The following ANO2 variants were observed in gnomAD, a reference collection of about 807,000 sequenced individuals.
The protein encoded by ANO2 is anoctamin-2.
Under a neutral mutation model 124.2 loss-of-function variants are expected in ANO2, and 101 were observed. The observed-to-expected ratio is 0.81, with a 90% CI of 0.69 to 0.96. ANO2 has a LOEUF of 0.96. Ranked by LOEUF, ANO2 falls within the 40% of genes least tolerant of loss-of-function variation. The pLI is 0.00. For missense variants in ANO2, 1,293 were observed against 1,274.5 expected (o/e 1.01, Z -0.22); for synonymous variants, 486 against 482.5 (o/e 1.01, Z -0.09).
At chr12:5,680,834 G>A (rs1270844959) in intron 14 of ANO2, among the ~76,000 whole-genome samples, 2 of 152,156 alleles carry the variant, frequency 1.3e-5, no homozygotes, top group East Asian at 3.8e-4. Context: ...GGCACCTGCT[G>A]GAATTCTGGT....
intron 4 of ANO2, among the ~76,000 whole-genome samples, chr12:5,844,334 G>T (rs1954615137): frequency 1.3e-5 from 2 of 152,180 alleles, no homozygotes; most frequent in Non-Finnish European, 2.9e-5. Flanking sequence ...TACCAGGCTT[G>T]GGGACACAGG....
At chr12:5,733,060 A>G in intron 13 of ANO2, 1 of 680,278 alleles carries the variant, frequency 1.5e-6, no homozygotes, top group South Asian at 1.7e-5. Context: ...AGCTGGAGAA[A>G]CAGATGTGCC....
Position 5,739,379 on chromosome 12 carries a change from A to G in ANO2, c.1372T>C (p.Trp458Arg). ...ALWATMFLEN[W>R]KRLQMRLGYF... ...CCCAGTCGCATCTGTAGCCTCTTCC[A>G]GTTTTCCAGGAACATGGTAGCTTAA... is the stretch of plus-strand genomic sequence containing the variant. The change falls in exon 13 of 25, where the codon TGG becomes CGG. Residue 458 changes from tryptophan (W) to arginine (R), a missense_variant. By Grantham distance (101) the Trp-to-Arg change is moderately radical. Transcript: ENST00000682330. 1 of 1,605,468 alleles carries G rather than the reference A, an allele frequency of 6.2e-7. No individual in the cohort carries two copies. Among genetic ancestry groups the G allele is most frequent in the Non-Finnish European group, 8.5e-7 (1 of 1,176,024 alleles).
intron 20 of ANO2, among the ~76,000 whole-genome samples, chr12:5,597,276 T>C (rs797004434): frequency 3.3e-5 from 5 of 152,236 alleles, no homozygotes; most frequent in African/African-American, 1.2e-4. Context: ...TGGGCCCCAG[T>C]GTGTGTTGTT....
intron 4 of ANO2, among the ~76,000 whole-genome samples, chr12:5,840,697 G>A (rs558189032): frequency 5.9e-5 from 9 of 152,210 alleles, no homozygotes; most frequent in Non-Finnish European, 1.3e-4. Context: ...GGCAGGAAAG[G>A]TCACCCAGGA....
At chr12:5,911,187 G>A (rs1320489865) in intron 3 of ANO2, among the ~76,000 whole-genome samples, 1 of 152,124 alleles carries the variant, frequency 6.6e-6, no homozygotes, top group Non-Finnish European at 1.5e-5. Context: ...GAAAGCAGGG[G>A]CCATGTCTTA....
intron 12 of ANO2, chr12:5,740,859 G>C (rs1166051100): frequency 6.6e-6 from 1 of 152,342 alleles, no homozygotes; most frequent in South Asian, 2.1e-4. Context: ...TATATCCCAT[G>C]CCCACATTAC....
intron 14 of ANO2, among the ~76,000 whole-genome samples, chr12:5,665,795 C>T (rs1321529603): frequency 4.7e-5 from 7 of 147,848 alleles, no homozygotes; most frequent in Admixed American, 1.4e-4. Flanking sequence ...TGGGGAGTGA[C>T]GGCCAGGGAA....
intron 13 of ANO2, among the ~76,000 whole-genome samples, chr12:5,737,162 G>C (rs1950902844): frequency 6.6e-6 from 1 of 152,240 alleles, no homozygotes; most frequent in Non-Finnish European, 1.5e-5. Flanking sequence ...TAAAGGAAAA[G>C]TTGAGGCTGG....
At chr12:5,576,807 G>A (rs889731929) in intron 22 of ANO2, among the ~76,000 whole-genome samples, 2 of 152,236 alleles carry the variant, frequency 1.3e-5, no homozygotes, top group African/African-American at 4.8e-5. Context: ...ATGTAGTTCA[G>A]ATATTGTTCT....
intron 10 of ANO2, among the ~76,000 whole-genome samples, chr12:5,760,534 G>A (rs952951970): frequency 6.6e-6 from 1 of 152,088 alleles, no homozygotes. Flanking sequence ...ATTGAAAAGA[G>A]GACACAGAAG....
At chr12:5,940,568 AAC>A (rs1942854740) in intron 1 of ANO2, among the ~76,000 whole-genome samples, 1 of 152,206 alleles carries the variant, frequency 6.6e-6, no homozygotes, top group Non-Finnish European at 1.5e-5. Context: ...AAACCACAGT[AAC>A]ACACTACTTC....
At chr12:5,668,056 C>T (rs963877148) in intron 14 of ANO2, among the ~76,000 whole-genome samples, 16 of 152,028 alleles carry the variant, frequency 1.1e-4, no homozygotes, top group South Asian at 2.1e-4. Context: ...TATATTCCTT[C>T]GGGTATATAC....
chr12:5,623,618 T>C (rs1001288666), intron 16 of ANO2, among the ~76,000 whole-genome samples: 3 of 152,114 alleles, frequency 2.0e-5, no homozygotes, highest in Admixed American at 1.3e-4. Flanking sequence ...CAGAGCTCCA[T>C]CTTAATCCTA....
intron 16 of ANO2, among the ~76,000 whole-genome samples, chr12:5,619,947 G>T (rs1186263128): frequency 6.6e-6 from 1 of 152,218 alleles, no homozygotes; most frequent in Non-Finnish European, 1.5e-5. Flanking sequence ...GTAAAGTATG[G>T]ACACTGTTTC....
At chr12:5,919,303 G>A (rs1236082106) in intron 3 of ANO2, among the ~76,000 whole-genome samples, 1 of 151,982 alleles carries the variant, frequency 6.6e-6, no homozygotes, top group Non-Finnish European at 1.5e-5. Flanking sequence ...AGCACAGAGG[G>A]CAACAGCACA....
At chr12:5,633,163 T>C (rs1293716282) in intron 16 of ANO2, among the ~76,000 whole-genome samples, 1 of 152,158 alleles carries the variant, frequency 6.6e-6, no homozygotes, top group Admixed American at 6.5e-5. Flanking sequence ...AGGAGTAGCT[T>C]ATCTTATTGT....
At chr12:5,888,223 G>C (rs1206279818) in intron 3 of ANO2, among the ~76,000 whole-genome samples, 1 of 151,676 alleles carries the variant, frequency 6.6e-6, no homozygotes, top group Non-Finnish European at 1.5e-5. Context: ...CGGCGCGTCT[G>C]GAGTTGTTCT....
chr12:5,668,021 C>G (rs1947817223), intron 14 of ANO2, among the ~76,000 whole-genome samples: 1 of 152,176 alleles, frequency 6.6e-6, no homozygotes, highest in African/African-American at 2.4e-5. Flanking sequence ...CATACATGTG[C>G]ATGTATCTTT....
Sources: allele counts gnomAD v4.1 joint callset (sites outside exome capture counted in the v4.1 genomes callset), GRCh38; gene constraint gnomAD v4.1.1; transcripts MANE v1.5; gene names NCBI Gene and HGNC (gene_info 2026-07-23, HGNC 2026-07-21).